Variants in RALYL observed in about 807,000 individuals in gnomAD.
RALYL encodes the protein RNA-binding Raly-like protein.
In RALYL, 29 loss-of-function variants were observed where a neutral mutation model predicts 35.1. That is an observed-to-expected ratio of 0.83 (90% CI 0.61 to 1.13). The LOEUF (loss-of-function observed/expected upper bound fraction) is 1.13. Among genes scored for constraint, RALYL ranks in the 50% most tolerant of loss-of-function variants. RALYL has a pLI of 0.00. For missense variants in RALYL, 359 were observed against 360.4 expected (o/e 1.00, Z 0.03); for synonymous variants, 120 against 127.6 (o/e 0.94, Z 0.40).
At position 84,843,937 on chromosome 8, in the gene RALYL, C is replaced by T. The variant is rs1382890200; in HGVS notation, c.366-6043C>T. Among the ~76,000 whole-genome samples the T allele has an allele frequency of 1.8e-4, 28 of 152,210 alleles. 1 individual carries two copies. Among genetic ancestry groups the T allele is most frequent in the Admixed American group, 1.6e-3 (25 of 15,276 alleles). On this transcript the variant is annotated intron_variant, in intron 4 of 8. Coordinates refer to ENST00000521268, the MANE Select transcript of RALYL (RefSeq NM_173848.7). ...CATATGTAGAAAGCTGAAACTGTAT[C>T]CCTTCTTTACACCTTATACAAAAAT...
intron 2 of RALYL, among the ~76,000 whole-genome samples, chr8:84,580,315 A>G (rs1164551918): frequency 6.6e-6 from 1 of 152,222 alleles, no homozygotes; most frequent in Admixed American, 6.5e-5. Context: ...CAAAACTTAT[A>G]CATGAAGGAG....
At chr8:84,722,795 CAT>C (rs1002685560) in intron 2 of RALYL, among the ~76,000 whole-genome samples, 33 of 147,910 alleles carry the variant, frequency 2.2e-4, no homozygotes, top group South Asian at 1.7e-3. Context: ...TAGATATATA[CAT>C]ATATATATAT....
At chr8:84,636,411 G>A (rs1825066597) in intron 2 of RALYL, among the ~76,000 whole-genome samples, 1 of 151,770 alleles carries the variant, frequency 6.6e-6, no homozygotes, top group Non-Finnish European at 1.5e-5. Context: ...GTGAGAGATG[G>A]AATGTACGCA....
intron 8 of RALYL, among the ~76,000 whole-genome samples, chr8:84,893,191 C>T (rs766649324): frequency 6.6e-5 from 10 of 152,214 alleles, no homozygotes; most frequent in African/African-American, 9.6e-5. Context: ...ATTAGAGAAA[C>T]GACATGTGCT....
intron 2 of RALYL, chr8:84,705,936 C>G: frequency 2.6e-6 from 4 of 1,513,394 alleles, no homozygotes; most frequent in African/African-American, 1.4e-5. Context: ...CAGTGAGCAA[C>G]AGTCTTACTG....
chr8:84,693,566 A>G (rs1009279782), intron 2 of RALYL, among the ~76,000 whole-genome samples: 2 of 151,900 alleles, frequency 1.3e-5, no homozygotes, highest in Non-Finnish European at 2.9e-5. Flanking sequence ...ATATTAATAT[A>G]ATAGCAAATG....
At chr8:84,219,485 T>C (rs904034624) in intron 1 of RALYL, among the ~76,000 whole-genome samples, 6 of 152,078 alleles carry the variant, frequency 3.9e-5, no homozygotes, top group Non-Finnish European at 7.4e-5. Context: ...TTGACTAATA[T>C]ATGTATTAAT....
At chr8:84,661,592 A>T (rs1588845110) in intron 2 of RALYL, among the ~76,000 whole-genome samples, 1 of 148,634 alleles carries the variant, frequency 6.7e-6, no homozygotes, top group East Asian at 2.0e-4. Context: ...TTTTTGACAT[A>T]GTTTTTTTTT....
At chr8:84,306,940 T>C (rs1332155946) in intron 1 of RALYL, among the ~76,000 whole-genome samples, 1 of 152,176 alleles carries the variant, frequency 6.6e-6, no homozygotes, top group Admixed American at 6.5e-5. Flanking sequence ...TTATATGGCA[T>C]GGGCTTAACC....
At chr8:84,832,801 A>G (rs920828386) in intron 4 of RALYL, among the ~76,000 whole-genome samples, 1 of 152,126 alleles carries the variant, frequency 6.6e-6, no homozygotes, top group Non-Finnish European at 1.5e-5. Context: ...CTCTTGTGGC[A>G]TATGTATCTG....
chr8:84,501,810 A>G (rs2056691197), intron 1 of RALYL, among the ~76,000 whole-genome samples: 1 of 146,800 alleles, frequency 6.8e-6, no homozygotes, highest in Non-Finnish European at 1.5e-5. Flanking sequence ...TAGGACCTAT[A>G]TTAATAAATA....
chr8:84,856,337 A>G (rs924278320), intron 5 of RALYL, among the ~76,000 whole-genome samples: 6 of 152,250 alleles, frequency 3.9e-5, no homozygotes, highest in South Asian at 2.1e-4. Context: ...TAACCCCACA[A>G]CAACATTTGA....
At chr8:84,584,384 C>G (rs1245749471) in intron 2 of RALYL, among the ~76,000 whole-genome samples, 2 of 152,098 alleles carry the variant, frequency 1.3e-5, no homozygotes, top group African/African-American at 4.8e-5. Context: ...GCAAGTGGAT[C>G]ACGTGGTCAA....
At chr8:84,901,944 G>A (rs1845767173) in intron 8 of RALYL, among the ~76,000 whole-genome samples, 1 of 152,076 alleles carries the variant, frequency 6.6e-6, no homozygotes, top group Admixed American at 6.6e-5. Flanking sequence ...TAAATCAACT[G>A]GAGAAGGGTG....
At chr8:84,673,568 A>G (rs1833658914) in intron 2 of RALYL, among the ~76,000 whole-genome samples, 1 of 152,176 alleles carries the variant, frequency 6.6e-6, no homozygotes, top group Non-Finnish European at 1.5e-5. Context: ...GATGTAAGGA[A>G]GGGGTCCAGT....
intron 1 of RALYL, among the ~76,000 whole-genome samples, chr8:84,475,778 G>A (rs957695924): frequency 6.6e-6 from 1 of 152,130 alleles, no homozygotes; most frequent in African/African-American, 2.4e-5. Context: ...TATAGTTGCT[G>A]TTGTCCCTTT....
At chr8:84,559,857 G>T (rs111936046) in intron 2 of RALYL, among the ~76,000 whole-genome samples, 1 of 151,872 alleles carries the variant, frequency 6.6e-6, no homozygotes, top group African/African-American at 2.4e-5. Context: ...TAAGAAACAG[G>T]GGGGAAAGGA....
chr8:84,542,883 A>G (rs1421261304), intron 2 of RALYL, among the ~76,000 whole-genome samples: 1 of 152,196 alleles, frequency 6.6e-6, no homozygotes, highest in African/African-American at 2.4e-5. Flanking sequence ...TTCATAAAAG[A>G]TACAGAGATT....
At chr8:84,192,117 A>G (rs1814039051) in intron 1 of RALYL, among the ~76,000 whole-genome samples, 1 of 152,238 alleles carries the variant, frequency 6.6e-6, no homozygotes, top group African/African-American at 2.4e-5. Context: ...GATGCCATAT[A>G]AAGGCTATAG....
Sources: allele counts gnomAD v4.1 joint callset (sites outside exome capture counted in the v4.1 genomes callset), GRCh38; gene constraint gnomAD v4.1.1; transcripts MANE v1.5; gene names NCBI Gene and HGNC (gene_info 2026-07-23, HGNC 2026-07-21).